The following ROGDI variants were observed in gnomAD, a reference collection of about 807,000 sequenced individuals.
ROGDI encodes protein rogdi homolog.
In ROGDI, 46 loss-of-function variants were observed where a neutral mutation model predicts 43.1. The observed-to-expected ratio is 1.07, with a 90% CI of 0.84 to 1.37. The LOEUF (loss-of-function observed/expected upper bound fraction) is 1.37, where lower values mean the gene tolerates loss of function less well. Among genes scored for constraint, ROGDI ranks in the 40% most tolerant of loss-of-function variants. The pLI, the probability that ROGDI is intolerant of heterozygous loss-of-function variation, is 0.00. For synonymous variants in ROGDI, 243 were observed against 162.0 expected (o/e 1.50, Z -3.80); for missense variants, 518 against 383.9 (o/e 1.35, Z -2.92).
rs772169351 is a variant in ROGDI, at chr16:4,797,403, T to C, written c.*57A>G. The C allele has an allele frequency of 1.7e-5, 26 of 1,526,486 alleles. No individual in the cohort carries two copies. The highest frequency in any genetic ancestry group is 9.5e-5 in the South Asian group (8 of 84,172). The allele number at this position is 1,526,486 out of a possible 1,614,324, so 94.6% of individuals were successfully genotyped here. ...GTTGGCACTGGCTGGTGCTCTGTGGTGGGTATGAGTAGGGGACGGGGCCGC... is the reference window on the plus strand; with the variant it reads ...GTTGGCACTGGCTGGTGCTCTGTGGCGGGTATGAGTAGGGGACGGGGCCGC... On this transcript the variant is annotated 3_prime_UTR_variant, in exon 11 of 11. Coordinates refer to ENST00000322048, the MANE Select transcript of ROGDI (RefSeq NM_024589.3).
chr16:4,799,621 C>T lies in ROGDI; in HGVS notation c.432+65G>A. On this transcript the variant is annotated intron_variant, in intron 6 of 10. Coordinates refer to ENST00000322048, the MANE Select transcript of ROGDI (RefSeq NM_024589.3). The stretch of plus-strand genomic sequence containing the variant: ...AACGTGGAGGCCCTGGGATTGGAAC[C>T]CAGGTGTGATTCCGGATCAAGAACG... The T allele has an allele frequency of 4.7e-6, 6 of 1,267,438 alleles. No individual in the cohort carries two copies. In the South Asian group the frequency reaches 7.7e-5, roughly 16 times the overall value. 78.5% of individuals were successfully genotyped at this position (1,267,438 alleles called of 1,614,324 possible).
chr16:4,801,679 G>A, intron 2 of ROGDI, 94 bp from the exon 3 acceptor site: 1 of 1,230,692 alleles, frequency 8.1e-7, no homozygotes, highest in Admixed American at 2.0e-5. Context: ...AAGTCAGCGG[G>A]GGGAAGGAAC....
intron 6 of ROGDI, 75 bp from the exon 7 acceptor site, chr16:4,798,742 C>T: frequency 4.2e-6 from 5 of 1,192,674 alleles, no homozygotes; most frequent in Non-Finnish European, 6.0e-6. Flanking sequence ...CATGGTAGCT[C>T]CCACTCCCAC....
Position 4,798,577 on chromosome 16 carries a change from C to G in ROGDI, c.523G>C (p.Gly175Arg). Residue 175 changes from glycine (G) to arginine (R), a missense_variant, in exon 7 of 11, where the codon GGC (glycine) becomes CGC (arginine). By Grantham distance (125) the Gly-to-Arg change is moderately radical (BLOSUM62 -2). Coordinates refer to ENST00000322048, the MANE Select transcript of ROGDI (RefSeq NM_024589.3). ...TLTLPEIAAS[G>R]LTRMFAPALP... ...CTGGCAGGGGCACTGACCGTGAGGCCGCTGGCGGCGATCTCGGGGAGGGTG... is the reference window on the plus strand; with the variant it reads ...CTGGCAGGGGCACTGACCGTGAGGCGGCTGGCGGCGATCTCGGGGAGGGTG... The G allele has an allele frequency of 6.4e-7, 1 of 1,557,938 alleles. No individual in the cohort carries two copies. The highest frequency in any genetic ancestry group is 8.6e-7 in the Non-Finnish European group (1 of 1,157,332).
intron 5 of ROGDI, 26 bp from the exon 6 acceptor site, chr16:4,799,807 G>A (rs766387678): frequency 3.3e-5 from 51 of 1,554,736 alleles, no homozygotes; most frequent in Non-Finnish European, 4.4e-5. Flanking sequence ...ATCCAGAGGG[G>A]TCACGCCAGC....
intron 4 of ROGDI, chr16:4,800,797 A>T (rs2082705515): frequency 1.7e-6 from 1 of 579,996 alleles, no homozygotes; most frequent in Admixed American, 3.1e-5. Context: ...AAGAAGTGAA[A>T]TGGAAAGAGG....
intron 6 of ROGDI, among the ~76,000 whole-genome samples, chr16:4,798,991 T>C (rs936628644): frequency 1.3e-5 from 2 of 151,872 alleles, no homozygotes; most frequent in Non-Finnish European, 2.9e-5. Flanking sequence ...GCAACAAAGG[T>C]TGGTTGTAAA....
chr16:4,800,807 G>A (rs866450093), intron 4 of ROGDI: 6 of 577,020 alleles, frequency 1.0e-5, no homozygotes, highest in Non-Finnish European at 1.5e-5. Context: ...ATGGAAAGAG[G>A]TGAAGAAAGG....
chr16:4,802,282 A>C (rs1486193024), intron 2 of ROGDI, 100 bp downstream of exon 2: 2 of 1,118,244 alleles, frequency 1.8e-6, no homozygotes, highest in South Asian at 2.7e-5. Flanking sequence ...GCAGCCGCAC[A>C]CTGTAGGCGC....
intron 2 of ROGDI, chr16:4,802,078 C>G: frequency 1.6e-6 from 1 of 622,670 alleles, no homozygotes; most frequent in Non-Finnish European, 3.0e-6. Flanking sequence ...GTCACACTGC[C>G]AGGCAGAGGC....
At chr16:4,798,291 C>A in intron 7 of ROGDI, 107 bp from the exon 8 acceptor site, 2 of 920,874 alleles carry the variant, frequency 2.2e-6, no homozygotes, top group East Asian at 2.6e-5. Context: ...CAGTCCCCAC[C>A]CCAGAGATGC....
intron 4 of ROGDI, chr16:4,800,920 C>T (rs1195665841): frequency 6.0e-6 from 3 of 501,272 alleles, no homozygotes; most frequent in East Asian, 6.7e-5. Flanking sequence ...GGGGCCTCCC[C>T]CCACGCCTTG....
In ROGDI at chr16:4,801,909, G is replaced by A. The variant is rs531718711; in HGVS notation, c.118-324C>T. 51 of 562,674 alleles carry A rather than the reference G, an allele frequency of 9.1e-5. 1 individual carries two copies. The highest frequency in any genetic ancestry group is 7.9e-4 in the South Asian group (44 of 55,472). 34.9% of individuals were successfully genotyped at this position (562,674 alleles called of 1,614,324 possible). A position where few individuals can be genotyped will look rare whatever the true frequency, so the allele number is the denominator to read the frequency against. On this transcript the variant is annotated intron_variant, in intron 2 of 10. Transcript: ENST00000322048. ...GTCAGGGAACAAGGCAGTAGTTATG[G>A]TAACCCGCGGTCCTGGGCCACAGCA... is the stretch of plus-strand genomic sequence containing the variant.
chr16:4,801,864 G>A (rs2082728257), intron 2 of ROGDI: 3 of 581,772 alleles, frequency 5.2e-6, no homozygotes, highest in South Asian at 3.9e-5. Flanking sequence ...TGGTTGAGGG[G>A]GAAAGGGGCA....
chr16:4,798,065 C>T lies in ROGDI; in HGVS notation c.645+6G>A. On this transcript the variant is annotated splice_donor_region_variant and intron_variant, in intron 8 of 10. Coordinates refer to ENST00000322048, the MANE Select transcript of ROGDI (RefSeq NM_024589.3). ...GGCAGTGGGCCGGGCAGGGGTCCCT[C>T]CTCACCTTGGTGGAGTTGGGCTGCA... The T allele has an allele frequency of 6.2e-7, 1 of 1,613,728 alleles. No individual in the cohort carries two copies. The highest frequency in any genetic ancestry group is 8.5e-7 in the Non-Finnish European group (1 of 1,179,798).
In ROGDI at chr16:4,799,705, G is replaced by A. The variant is rs540638420; in HGVS notation, c.413C>T (p.Thr138Met). The A allele has an allele frequency of 6.8e-6, 11 of 1,613,418 alleles. No homozygotes were observed. Among genetic ancestry groups the A allele is most frequent in the South Asian group, 2.2e-5 (2 of 90,972 alleles). Residue 138 changes from threonine (T) to methionine (M), a missense_variant, in exon 6 of 11, where the codon ACG becomes ATG. Thr to Met is a moderately conservative substitution (Grantham distance 81). Coordinates refer to ENST00000322048, the MANE Select transcript of ROGDI (RefSeq NM_024589.3). ...TSRDQSYQFK[T>M]GAEVLKLMDA... ...GCTCACCTTGAGGACCTCAGCGCCC[G>A]TCTTGAACTGGTAGCTCTGGTCCCG...
At chr16:4,801,090 T>G in intron 4 of ROGDI, 177 bp downstream of exon 4, 1 of 568,468 alleles carries the variant, frequency 1.8e-6, no homozygotes, top group Non-Finnish European at 3.1e-6. Flanking sequence ...TTACTGAATC[T>G]GCACACCGAT....
Position 4,798,653 on chromosome 16 carries a change from C to G in ROGDI, c.447G>C (p.Val149=), listed in dbSNP as rs1060504776. 5 of 1,568,302 alleles carry G rather than the reference C, an allele frequency of 3.2e-6. No homozygotes were observed. The highest frequency in any genetic ancestry group is 3.8e-5 in the Admixed American group (2 of 52,398). ...GAEVLKLMDA[V]MLQLTRARNR... Reference sequence around the variant, plus strand: ...TTCGGGCTCTGGTCAGCTGCAGCATCACTGCGTCCATCAGCTGCAGGGAGA... The same window carrying G: ...TTCGGGCTCTGGTCAGCTGCAGCATGACTGCGTCCATCAGCTGCAGGGAGA... The change falls in exon 7 of 11, where the codon GTG becomes GTC. Residue 149 remains valine, a synonymous_variant. Coordinates refer to ENST00000322048, the MANE Select transcript of ROGDI (RefSeq NM_024589.3).
chr16:4,802,205 C>T (rs1182506305), intron 2 of ROGDI, 177 bp downstream of exon 2: 2 of 676,652 alleles, frequency 3.0e-6, no homozygotes, highest in Admixed American at 4.5e-5. Context: ...CCCCTGCCCG[C>T]ACACAGGTAC....
Sources: gnomAD v4.1 joint callset for allele counts (sites outside exome capture counted in the v4.1 genomes callset) on GRCh38, gnomAD v4.1.1 for gene constraint, MANE v1.5 for transcripts, NCBI Gene and HGNC (gene_info 2026-07-23, HGNC 2026-07-21) for gene names.